DLGAP2: variants seen among roughly 807,000 people sequenced by gnomAD.
The protein encoded by DLGAP2 is DLG associated protein 2.
A neutral mutation model predicts 100.3 loss-of-function variants in DLGAP2; 26 were observed. The ratio of observed to expected loss-of-function variants is 0.26; its 90% CI spans 0.19 to 0.36. DLGAP2 has a LOEUF of 0.36. DLGAP2 is among the 10% of genes least tolerant of loss of function. The pLI, the probability that DLGAP2 is intolerant of heterozygous loss-of-function variation, is 1.00. For synonymous variants in DLGAP2, 886 were observed against 630.1 expected, an observed-to-expected ratio of 1.41 and a Z score of -6.08; for missense variants, 1,858 against 1,453.2, an observed-to-expected ratio of 1.28 and a Z score of -4.53.
At chr8:810,158 CAT>C (rs1796346073) in intron 1 of DLGAP2, among the ~76,000 whole-genome samples, 1 of 152,242 alleles carries the variant, frequency 6.6e-6, no homozygotes, top group Non-Finnish European at 1.5e-5. Flanking sequence ...CTCTCTGGAA[CAT>C]GTGGACTTTC....
intron 2 of DLGAP2, among the ~76,000 whole-genome samples, chr8:1,028,372 C>T (rs1302266449): frequency 1.4e-5 from 2 of 145,282 alleles, no homozygotes; most frequent in African/African-American, 2.6e-5. Context: ...GGTGGGGTGT[C>T]AGGCACCCGT....
At chr8:813,884 C>G (rs969417149) in intron 1 of DLGAP2, among the ~76,000 whole-genome samples, 8 of 152,000 alleles carry the variant, frequency 5.3e-5, no homozygotes, top group African/African-American at 1.9e-4. Flanking sequence ...TTCTGGGGCC[C>G]CAGAAGCAGG....
chr8:1,067,604 C>CGTGTGTGTGTGTGTGTGT (rs3220190), intron 2 of DLGAP2, among the ~76,000 whole-genome samples: 3 of 140,304 alleles, frequency 2.1e-5, no homozygotes, highest in Non-Finnish European at 3.1e-5. Context: ...GGTTGAGTGA[C>CGTGTGTGTGTGTGTGTGT]GTGTGTGTGT....
chr8:1,269,342 C>T (rs977524231), intron 3 of DLGAP2, among the ~76,000 whole-genome samples: 2 of 152,194 alleles, frequency 1.3e-5, no homozygotes, highest in Non-Finnish European at 2.9e-5. Flanking sequence ...AGGATGGGAC[C>T]TGCTGGAAAG....
At chr8:1,024,780 C>A (rs927493604) in intron 2 of DLGAP2, among the ~76,000 whole-genome samples, 3 of 152,194 alleles carry the variant, frequency 2.0e-5, no homozygotes, top group Non-Finnish European at 2.9e-5. Flanking sequence ...TCTTATGGAG[C>A]CTCCTGTGGG....
intron 2 of DLGAP2, among the ~76,000 whole-genome samples, chr8:1,254,235 G>T (rs989288140): frequency 4.6e-5 from 7 of 152,142 alleles, no homozygotes; most frequent in African/African-American, 1.7e-4. Flanking sequence ...TGGTGAAGCC[G>T]GCGTCTCCCC....
At chr8:758,512 C>T (rs1248912433) in intron 1 of DLGAP2, among the ~76,000 whole-genome samples, 1 of 152,140 alleles carries the variant, frequency 6.6e-6, no homozygotes, top group Non-Finnish European at 1.5e-5. Flanking sequence ...CACCTCTGCC[C>T]ATCCCAAGGT....
At chr8:1,349,903 G>C (rs909188) in intron 3 of DLGAP2, among the ~76,000 whole-genome samples, 56,574 of 152,058 alleles carry the variant, frequency 0.37, 10,968 homozygotes, top group East Asian at 0.5. Context: ...GTTTAATATT[G>C]AAAACAAACA....
intron 4 of DLGAP2, among the ~76,000 whole-genome samples, chr8:1,543,607 T>C (rs1475941693): frequency 6.6e-6 from 1 of 152,326 alleles, no homozygotes; most frequent in Non-Finnish European, 1.5e-5. Context: ...GATCCATAAG[T>C]GTGAGTCTTC....
chr8:1,233,922 T>C (rs1798589459), intron 2 of DLGAP2, among the ~76,000 whole-genome samples: 1 of 152,224 alleles, frequency 6.6e-6, no homozygotes, highest in Non-Finnish European at 1.5e-5. Flanking sequence ...ATGGTATTAA[T>C]GACACAAAAG....
intron 14 of DLGAP2, among the ~76,000 whole-genome samples, chr8:1,699,328 G>A (rs888041772): frequency 4.6e-5 from 7 of 151,840 alleles, no homozygotes; most frequent in African/African-American, 1.7e-4. Context: ...AAAATTAGCC[G>A]GGCACAGTGG....
At chr8:1,622,922 C>T (rs1797383925) in intron 6 of DLGAP2, among the ~76,000 whole-genome samples, 1 of 152,158 alleles carries the variant, frequency 6.6e-6, no homozygotes, top group South Asian at 2.1e-4. Context: ...CTGGGGACTT[C>T]ACCCTGTGTC....
intron 1 of DLGAP2, among the ~76,000 whole-genome samples, chr8:868,842 T>C (rs180879185): frequency 1.3e-4 from 20 of 152,318 alleles, no homozygotes; most frequent in Non-Finnish European, 2.8e-4. Context: ...GCTGGACGCG[T>C]CAGGCAGCCC....
chr8:821,781 T>C (rs531055575), intron 1 of DLGAP2, among the ~76,000 whole-genome samples: 1 of 152,354 alleles, frequency 6.6e-6, no homozygotes, highest in Non-Finnish European at 1.5e-5. Flanking sequence ...TTTGGTTCAA[T>C]ATTTCAAAAT....
At chr8:994,025 C>T (rs1412755465) in intron 2 of DLGAP2, among the ~76,000 whole-genome samples, 1 of 152,130 alleles carries the variant, frequency 6.6e-6, no homozygotes, top group African/African-American at 2.4e-5. Context: ...TACACTCTAG[C>T]AGTGCACTTA....
intron 4 of DLGAP2, among the ~76,000 whole-genome samples, chr8:1,544,783 A>G (rs1342141578): frequency 1.3e-5 from 2 of 148,922 alleles, no homozygotes; most frequent in Non-Finnish European, 3.0e-5. Context: ...GCCAGGCTGG[A>G]GTGCAGTGGT....
intron 2 of DLGAP2, among the ~76,000 whole-genome samples, chr8:1,163,629 G>A (rs537809287): frequency 2.0e-5 from 3 of 152,244 alleles, no homozygotes; most frequent in African/African-American, 7.2e-5. Flanking sequence ...CGCAGGGCCC[G>A]GGAGAGGCTG....
chr8:1,559,527 C>T (rs1802088249), intron 5 of DLGAP2, among the ~76,000 whole-genome samples: 1 of 152,184 alleles, frequency 6.6e-6, no homozygotes, highest in South Asian at 2.1e-4. Context: ...GAAATTTCTT[C>T]TGTCAAAGCC....
intron 2 of DLGAP2, among the ~76,000 whole-genome samples, chr8:1,161,709 G>C (rs984766830): frequency 7.2e-5 from 11 of 152,202 alleles, no homozygotes; most frequent in Non-Finnish European, 1.5e-4. Flanking sequence ...CTCTGTCTCA[G>C]GGCACGTATG....
Sources: gnomAD v4.1 joint callset for allele counts (sites outside exome capture counted in the v4.1 genomes callset) on GRCh38, gnomAD v4.1.1 for gene constraint, MANE v1.5 for transcripts, NCBI Gene and HGNC (gene_info 2026-07-23, HGNC 2026-07-21) for gene names.